APBA1: variants seen among roughly 807,000 people sequenced by gnomAD.
APBA1 encodes the protein amyloid beta precursor protein binding family A member 1, also known as amyloid-beta A4 precursor protein-binding family A member 1.
In APBA1, 55 loss-of-function variants were observed where a neutral mutation model predicts 86.6. The ratio of observed to expected loss-of-function variants is 0.64; its 90% CI spans 0.51 to 0.80. The LOEUF (loss-of-function observed/expected upper bound fraction) is 0.80, where lower values mean the gene tolerates loss of function less well. APBA1 is among the 30% of genes least tolerant of loss of function. APBA1 has a pLI of 0.00. For synonymous variants in APBA1, 511 were observed against 493.9 expected (o/e 1.03, Z -0.46); for missense variants, 1,090 against 1,183.0 (o/e 0.92, Z 1.15).
At chr9:69,523,024 T>G (rs1164447681) in intron 1 of APBA1, among the ~76,000 whole-genome samples, 1 of 152,148 alleles carries the variant, frequency 6.6e-6, no homozygotes, top group East Asian at 1.9e-4. Context: ...CACAGATGGC[T>G]TTCTGGTCTA....
At chr9:69,441,682 G>T (rs1478535419) in intron 10 of APBA1, among the ~76,000 whole-genome samples, 1 of 152,188 alleles carries the variant, frequency 6.6e-6, no homozygotes. Flanking sequence ...CATTCCCACA[G>T]CAACCAGGGA....
intron 10 of APBA1, among the ~76,000 whole-genome samples, chr9:69,449,344 G>T (rs753968241): frequency 3.3e-5 from 5 of 152,218 alleles, no homozygotes; most frequent in Non-Finnish European, 5.9e-5. Context: ...GCTGCTATCA[G>T]AAAGTAGTGT....
chr9:69,594,937 G>C (rs1444810921), intron 1 of APBA1, among the ~76,000 whole-genome samples: 1 of 152,172 alleles, frequency 6.6e-6, no homozygotes, highest in Non-Finnish European at 1.5e-5. Context: ...TCTGTCAAAT[G>C]AGATATTAAC....
rs565413402 is a variant in APBA1, at chr9:69,625,630, C to T, written c.-70+46523G>A. On this transcript the variant is annotated intron_variant, in intron 1 of 12. Coordinates refer to ENST00000265381, the MANE Select transcript of APBA1 (RefSeq NM_001163.4). ...GGCTTAGAGATATGCCACTCACAGA[C>T]TCAATTAGTTTAAATCACTGTCCTC... is the stretch of plus-strand genomic sequence containing the variant. 2.4e-4 allele frequency among the ~76,000 whole-genome samples: 37 copies of T among 152,222 alleles called. No homozygotes were observed. The South Asian group carries it at 5.2e-3, about 21-fold the overall frequency.
intron 1 of APBA1, among the ~76,000 whole-genome samples, chr9:69,641,053 T>C (rs1823278283): frequency 6.6e-6 from 1 of 152,082 alleles, no homozygotes; most frequent in South Asian, 2.1e-4. Flanking sequence ...TGACATAATC[T>C]ATGTAGAAAA....
chr9:69,616,266 GA>G (rs1428450349), intron 1 of APBA1, among the ~76,000 whole-genome samples: 1 of 152,160 alleles, frequency 6.6e-6, no homozygotes, highest in Admixed American at 6.5e-5. Flanking sequence ...GGTTAAATAA[GA>G]AAACACCTGT....
intron 8 of APBA1, among the ~76,000 whole-genome samples, chr9:69,454,751 C>T (rs976377393): frequency 1.3e-5 from 2 of 152,140 alleles, no homozygotes; most frequent in Non-Finnish European, 2.9e-5. Flanking sequence ...GAGGTAGCAG[C>T]GGGGCCTACA....
At chr9:69,489,706 CA>C (rs1336723366) in intron 2 of APBA1, among the ~76,000 whole-genome samples, 9 of 151,472 alleles carry the variant, frequency 5.9e-5, no homozygotes, top group Non-Finnish European at 1.3e-4. Flanking sequence ...TTTATGCAGC[CA>C]AAAAACACAT....
At chr9:69,443,551 G>A (rs898607160) in intron 10 of APBA1, among the ~76,000 whole-genome samples, 2 of 152,244 alleles carry the variant, frequency 1.3e-5, no homozygotes, top group Admixed American at 1.3e-4. Flanking sequence ...GATCACTGCT[G>A]CATCAAAACC....
intron 1 of APBA1, among the ~76,000 whole-genome samples, chr9:69,638,185 C>G (rs567913298): frequency 6.6e-6 from 1 of 152,158 alleles, no homozygotes; most frequent in African/African-American, 2.4e-5. Context: ...TTTAAATGCA[C>G]TAGGGTGTCT....
At chr9:69,603,468 C>T (rs1394045030) in intron 1 of APBA1, among the ~76,000 whole-genome samples, 2 of 152,230 alleles carry the variant, frequency 1.3e-5, no homozygotes, top group Admixed American at 1.3e-4. Context: ...GAAGCTCAGA[C>T]AATCACTGCT....
intron 1 of APBA1, among the ~76,000 whole-genome samples, chr9:69,660,946 A>G (rs1823741819): frequency 6.6e-6 from 1 of 152,214 alleles, no homozygotes; most frequent in Non-Finnish European, 1.5e-5. Flanking sequence ...GGGGTCAGTA[A>G]ACTGAGGTCC....
intron 5 of APBA1, chr9:69,462,455 G>C (rs1032394084): frequency 6.6e-6 from 1 of 152,198 alleles, no homozygotes; most frequent in African/African-American, 2.4e-5. Flanking sequence ...CAGCACATAG[G>C]ACAAAGCTCT....
intron 10 of APBA1, 135 bp from the exon 11 acceptor site, chr9:69,441,250 T>C: frequency 9.4e-7 from 1 of 1,063,270 alleles, no homozygotes; most frequent in Non-Finnish European, 1.3e-6. Context: ...CCTGCAGGCC[T>C]CTGGTGCCTG....
In APBA1 at chr9:69,491,756, T is replaced by C. The variant is rs554534680; in HGVS notation, c.1201-15613A>G. Among the ~76,000 whole-genome samples the C allele has an allele frequency of 5.9e-5, 8 of 136,560 alleles. No homozygotes were observed. In the East Asian group the frequency reaches 1.5e-3, roughly 26 times the overall value. 89.6% of individuals were successfully genotyped at this position (136,560 alleles called of 152,430 possible). A position where few individuals can be genotyped will look rare whatever the true frequency, so the allele number is the denominator to read the frequency against. On this transcript the variant is annotated intron_variant, in intron 2 of 12. Coordinates refer to ENST00000265381, the MANE Select transcript of APBA1 (RefSeq NM_001163.4). ...TACATACATAGTTACATTTCATTTA[T>C]CCCTTGAATTTTTTTTTTTTTTTTT...
At chr9:69,514,489 T>C (rs931442025) in intron 2 of APBA1, among the ~76,000 whole-genome samples, 5 of 152,182 alleles carry the variant, frequency 3.3e-5, no homozygotes, top group Admixed American at 6.5e-5. Context: ...CTCAGGAGAC[T>C]GAGGCAGGAA....
chr9:69,569,393 C>T (rs980480384), intron 1 of APBA1, among the ~76,000 whole-genome samples: 9 of 151,874 alleles, frequency 5.9e-5, no homozygotes, highest in African/African-American at 2.2e-4. Context: ...GCTATTTTGC[C>T]TCTCCCCTGC....
At chr9:69,551,556 A>AG (rs1836786206) in intron 1 of APBA1, among the ~76,000 whole-genome samples, 1 of 151,870 alleles carries the variant, frequency 6.6e-6, no homozygotes, top group Admixed American at 6.6e-5. Context: ...CCGCCTCAAA[A>AG]AAAAAAAAAA....
chr9:69,564,627 C>T (rs1836997154), intron 1 of APBA1, among the ~76,000 whole-genome samples: 1 of 152,178 alleles, frequency 6.6e-6, no homozygotes, highest in Non-Finnish European at 1.5e-5. Context: ...TAGGAGACAT[C>T]ACTTCACACC....
Sources: gnomAD v4.1 joint callset for allele counts (sites outside exome capture counted in the v4.1 genomes callset) on GRCh38, gnomAD v4.1.1 for gene constraint, MANE v1.5 for transcripts, NCBI Gene and HGNC (gene_info 2026-07-23, HGNC 2026-07-21) for gene names.